TSHZ1: variants seen among roughly 807,000 people sequenced by gnomAD.
TSHZ1 encodes teashirt zinc finger homeobox 1.
Under a neutral mutation model 67.1 loss-of-function variants are expected in TSHZ1, and 12 were observed. That is an observed-to-expected ratio of 0.18 (90% CI 0.11 to 0.29). TSHZ1 has a LOEUF of 0.29. Ranked by LOEUF, TSHZ1 falls within the 10% of genes least tolerant of loss-of-function variation. The pLI is 1.00. For synonymous variants in TSHZ1, 632 were observed against 622.4 expected (o/e 1.02, Z -0.23); for missense variants, 1,305 against 1,413.9 (o/e 0.92, Z 1.23).
Position 75,288,584 on chromosome 18 carries a change from C to T in TSHZ1, c.3177C>T (p.Thr1059=). The part of the protein sequence containing the change: ...KHAVKLHLSK[T]HGKSPEDHLI... ...CAGTCAAACTGCACCTTAGTAAGAC[C>T]CACGGCAAGTCTCCCGAGGACCACC... Residue 1059 remains threonine (T), a synonymous_variant, in exon 2 of 2, where the codon ACC becomes ACT. Coordinates refer to ENST00000580243, the MANE Select transcript of TSHZ1 (RefSeq NM_001308210.2). This position sits in a 1 kb window ranked among gnomAD's most constrained non-coding sequence, Gnocchi z 4.9. 6.2e-7 allele frequency: 1 copy of T among 1,613,204 alleles called. No homozygotes were observed. Among genetic ancestry groups the T allele is most frequent in the East Asian group, 2.2e-5 (1 of 44,880 alleles).
chr18:75,216,214 T>C (rs1454648652), intron 1 of TSHZ1, among the ~76,000 whole-genome samples: 2 of 152,258 alleles, frequency 1.3e-5, no homozygotes, highest in Admixed American at 1.3e-4. Flanking sequence ...ACTCACTGCA[T>C]CTCTTTAGCA....
At position 75,243,898 on chromosome 18, in the gene TSHZ1, C is replaced by A. The variant is rs1438838836; in HGVS notation, c.40+31982C>A. 2.0e-5 allele frequency among the ~76,000 whole-genome samples: 3 copies of A among 152,120 alleles called. No homozygotes were observed. In the East Asian group the frequency reaches 5.8e-4, roughly 29 times the overall value. On this transcript the variant is annotated intron_variant, in intron 1 of 1. Transcript: ENST00000580243. Reference sequence around the variant, plus strand: ...TTCAGTTATAACACAACATGTACGTCCTGAAGGAACAGGGCTTATGGAAAA... The same window carrying A: ...TTCAGTTATAACACAACATGTACGTACTGAAGGAACAGGGCTTATGGAAAA...
In TSHZ1 at chr18:75,287,689, C is replaced by T. The variant is rs2023798029; in HGVS notation, c.2282C>T (p.Ser761Phe). Residue 761 changes from serine to phenylalanine, a missense_variant, in exon 2 of 2, where the codon TCC (serine) becomes TTC (phenylalanine). This residue lies in a region of TSHZ1 where 909 missense variants were observed against 961.8 expected (regional missense o/e 0.95). Coordinates refer to ENST00000580243, the MANE Select transcript of TSHZ1 (RefSeq NM_001308210.2). The surrounding 1 kb of genome is among the most constrained non-coding windows in gnomAD (Gnocchi z 5.0). ...SIMNTHLGKV[S>F]KPVSPSLDPL... is the part of the protein sequence containing the mutation. Reference sequence around the variant, plus strand: ...ATGAACACCCACCTGGGCAAGGTGTCCAAGCCCGTGAGTCCCTCGCTGGAC... The same window carrying T: ...ATGAACACCCACCTGGGCAAGGTGTTCAAGCCCGTGAGTCCCTCGCTGGAC... 2 of 1,614,086 alleles carry T rather than the reference C, an allele frequency of 1.2e-6. No homozygotes were observed. Among genetic ancestry groups the T allele is most frequent in the African/African-American group, 2.7e-5 (2 of 74,938 alleles).
In TSHZ1 at chr18:75,272,009, C is replaced by A. The variant is rs149062656; in HGVS notation, c.41-13439C>A. Among the ~76,000 whole-genome samples, 1,176 of 152,234 alleles carry A rather than the reference C, an allele frequency of 7.7e-3. 15 individuals carry two copies. The highest frequency in any genetic ancestry group is 0.015 in the East Asian group (78 of 5,180). On this transcript the variant is annotated intron_variant, in intron 1 of 1. Transcript: ENST00000580243. ...GGCGTGATTCTAACATCTGTCCTAC[C>A]CCATAATGGTAATTTGTATAAGTAA...
chr18:75,285,640 T>G lies in TSHZ1; in HGVS notation c.233T>G (p.Phe78Cys). Reference protein sequence around the residue: ...TNQDAGYGSPFSESSDQLAHF... With the variant: ...TNQDAGYGSPCSESSDQLAHF... ...CAGGACGCCGGCTACGGGTCGCCCT[T>G]CAGTGAGAGCAGCGACCAGCTAGCC... Residue 78 changes from phenylalanine to cysteine, a missense_variant, in exon 2 of 2, where the codon TTC (phenylalanine) becomes TGC (cysteine). Physicochemically the swap from Phe to Cys is radical, Grantham distance 205. Coordinates refer to ENST00000580243, the MANE Select transcript of TSHZ1 (RefSeq NM_001308210.2). 6.2e-7 allele frequency: 1 copy of G among 1,613,756 alleles called. No individual in the cohort carries two copies. The highest frequency in any genetic ancestry group is 1.3e-5 in the African/African-American group (1 of 74,998).
chr18:75,231,267 C>T (rs1015713119), intron 1 of TSHZ1, among the ~76,000 whole-genome samples: 5 of 152,164 alleles, frequency 3.3e-5, no homozygotes, highest in Admixed American at 1.3e-4. Flanking sequence ...GCAGCTCAGG[C>T]GGGTGTGGCC....
intron 1 of TSHZ1, 147 bp downstream of exon 1, chr18:75,212,063 GGAGGC>G: frequency 5.6e-6 from 3 of 532,480 alleles, no homozygotes; most frequent in Non-Finnish European, 5.3e-6. Context: ...ACAGTCGTCT[GGAGGC>G]TGCGGTCGCC....
intron 1 of TSHZ1, among the ~76,000 whole-genome samples, chr18:75,214,545 G>A (rs907929206): frequency 1.3e-5 from 2 of 152,076 alleles, no homozygotes; most frequent in South Asian, 4.1e-4. Flanking sequence ...CTGCATGTTG[G>A]CCTGCCTCAC....
At chr18:75,280,241 C>G (rs912684757) in intron 1 of TSHZ1, among the ~76,000 whole-genome samples, 1 of 152,198 alleles carries the variant, frequency 6.6e-6, no homozygotes, top group Non-Finnish European at 1.5e-5. Flanking sequence ...AAAAGGACAT[C>G]TTGTATAAGG....
rs1317432855 is a variant in TSHZ1 at position 75,261,454 on chromosome 18, C to T, written c.41-23994C>T. 3.3e-5 allele frequency among the ~76,000 whole-genome samples: 5 copies of T among 152,312 alleles called. No individual in the cohort carries two copies. The South Asian group carries it at 6.2e-4, about 19-fold the overall frequency. ...GATACATGGCCTGACCCATGCACTA[C>T]GACCATCAGCTCAACCTTGGATGAG... On this transcript the variant is annotated intron_variant, in intron 1 of 1. Transcript: ENST00000580243.
At chr18:75,253,942 A>G (rs74772602) in intron 1 of TSHZ1, among the ~76,000 whole-genome samples, 2,297 of 152,292 alleles carry the variant, frequency 0.015, 39 homozygotes, top group Middle Eastern at 0.054. Context: ...ATAAAATCAT[A>G]TGGGTTTGTA....
chr18:75,235,237 C>T (rs911730433), intron 1 of TSHZ1, among the ~76,000 whole-genome samples: 3 of 151,998 alleles, frequency 2.0e-5, no homozygotes, highest in Non-Finnish European at 4.4e-5. Flanking sequence ...ACGTTTAATC[C>T]CCTTGGTTTC....
chr18:75,287,952 G>A lies in TSHZ1; in HGVS notation c.2545G>A (p.Gly849Ser), dbSNP rs1326703899. ...CTCCGACATGGTGAAAAACCTCACA[G>A]GCCGCCTGACGCCCAAGTCCTCCAC... ...DISDMVKNLT[G>S]RLTPKSSTPS... The change falls in exon 2 of 2, where the codon GGC becomes AGC. Residue 849 changes from glycine to serine, a missense_variant. Around this residue, in one of 3 missense-constraint regions of TSHZ1, gnomAD observed 909 missense variants for 961.8 expected, o/e 0.95. Transcript: ENST00000580243. This position sits in a 1 kb window ranked among gnomAD's most constrained non-coding sequence, Gnocchi z 5.0. 2.5e-6 allele frequency: 4 copies of A among 1,614,238 alleles called. No homozygotes were observed. The Admixed American group carries it at 6.7e-5, about 27-fold the overall frequency.
chr18:75,211,979 TCGCGGGCCGAGGTGCGGGACGTGGGC>T (rs2022699541), intron 1 of TSHZ1, 63 bp downstream of exon 1: 1 of 1,170,758 alleles, frequency 8.5e-7, no homozygotes, highest in Admixed American at 4.5e-5. Context: ...GGAGGGGGCT[TCGCGGGCCGAGGTGCGGGACGTGGGC>T]CGCGGGCCGC....
At chr18:75,266,727 T>A (rs1439916088) in intron 1 of TSHZ1, among the ~76,000 whole-genome samples, 2 of 152,202 alleles carry the variant, frequency 1.3e-5, no homozygotes, top group African/African-American at 2.4e-5. Flanking sequence ...CTCCTATAGA[T>A]CACCTGCAGG....
At chr18:75,277,135 C>T (rs777011482) in intron 1 of TSHZ1, among the ~76,000 whole-genome samples, 5 of 152,170 alleles carry the variant, frequency 3.3e-5, no homozygotes, top group Non-Finnish European at 5.9e-5. Context: ...AAGAAGGGCC[C>T]AGCCGGTCCA....
At chr18:75,217,473 G>A (rs2022785481) in intron 1 of TSHZ1, among the ~76,000 whole-genome samples, 1 of 151,782 alleles carries the variant, frequency 6.6e-6, no homozygotes, top group Admixed American at 6.6e-5. Context: ...TTGGTTTCTT[G>A]TTTGTTTTAC....
At chr18:75,212,258 G>A (rs1156902385) in intron 1 of TSHZ1, among the ~76,000 whole-genome samples, 1 of 152,182 alleles carries the variant, frequency 6.6e-6, no homozygotes, top group African/African-American at 2.4e-5. Flanking sequence ...CTTGGCTGCC[G>A]GAGCGCACTG....
In TSHZ1 at chr18:75,285,681, T is replaced by C. The variant is rs748571677; in HGVS notation, c.274T>C (p.Ser92Pro). The stretch of plus-strand genomic sequence containing the variant: ...CCAGCTAGCCCATTTCAAAGGCTCT[T>C]CCTCTCGAGAAGAGAAGGAGGATCC... ...SDQLAHFKGS[S>P]SREEKEDPQC... Residue 92 changes from serine (S) to proline (P), a missense_variant, in exon 2 of 2, where the codon TCC (serine) becomes CCC (proline). By Grantham distance (74) the Ser-to-Pro change is moderately conservative. Transcript: ENST00000580243. 20 of 1,614,054 alleles carry C rather than the reference T, an allele frequency of 1.2e-5. No homozygotes were observed. The highest frequency in any genetic ancestry group is 1.6e-5 in the Non-Finnish European group (19 of 1,180,000).
Sources: gnomAD v4.1 joint callset for allele counts (sites outside exome capture counted in the v4.1 genomes callset) on GRCh38, gnomAD v4.1.1 for gene constraint, gnomAD v4.1.1 regional missense constraint, Gnocchi (gnomAD v3.1) non-coding constraint, MANE v1.5 for transcripts, NCBI Gene and HGNC (gene_info 2026-07-23, HGNC 2026-07-21) for gene names.